Variants in MACROD2 observed in about 807,000 individuals in gnomAD.
MACROD2 encodes the protein mono-ADP ribosylhydrolase 2, also known as ADP-ribose glycohydrolase MACROD2.
MACROD2 carries 36 observed loss-of-function variants against 70.4 expected under a neutral mutation model. The ratio of observed to expected loss-of-function variants is 0.51; its 90% CI spans 0.39 to 0.68. The LOEUF is 0.68. MACROD2 is among the 30% of genes least tolerant of loss of function. MACROD2 has a pLI of 0.00. For missense variants in MACROD2, 496 were observed against 538.4 expected (o/e 0.92, Z 0.78); for synonymous variants, 172 against 178.8 (o/e 0.96, Z 0.30).
Position 14,002,369 on chromosome 20 carries a change from G to T in MACROD2, c.128G>T (p.Trp43Leu). The T allele has an allele frequency of 6.2e-7, 1 of 1,607,588 alleles. No homozygotes were observed. ...DYIPLNSILS[W>L]KEEMKGKGQN... ...ATTCCCCTGAACAGCATTCTATCAT[G>T]GAAGGAGGAGATGAAGGGCAAGGGC... Residue 43 changes from tryptophan (W) to leucine (L), a missense_variant, in exon 2 of 18, where the codon TGG becomes TTG. Coordinates refer to ENST00000684519, the MANE Select transcript of MACROD2 (RefSeq NM_001351661.2).
chr20:14,947,373 A>G (rs1475843899), intron 5 of MACROD2, among the ~76,000 whole-genome samples: 1 of 152,220 alleles, frequency 6.6e-6, no homozygotes, highest in Non-Finnish European at 1.5e-5. Flanking sequence ...GCCCTTGTGT[A>G]TGCTCTGCAA....
intron 9 of MACROD2, among the ~76,000 whole-genome samples, chr20:15,872,056 C>T (rs2064592973): frequency 1.3e-5 from 2 of 152,124 alleles, no homozygotes; most frequent in South Asian, 2.1e-4. Context: ...AAATCCTTTC[C>T]ACTCCGTAAT....
intron 8 of MACROD2, among the ~76,000 whole-genome samples, chr20:15,631,516 G>T (rs543201711): frequency 1.4e-3 from 217 of 152,278 alleles, no homozygotes; most frequent in African/African-American, 5.0e-3. Flanking sequence ...AAGTAAATGA[G>T]AACATTGTCC....
At chr20:14,897,008 C>T (rs6135296) in intron 5 of MACROD2, among the ~76,000 whole-genome samples, 29,091 of 151,894 alleles carry the variant, frequency 0.19, 2,994 homozygotes, top group African/African-American at 0.22. Context: ...ATTTTATGGC[C>T]CAAAATGGAC....
chr20:15,825,002 G>A (rs1248815518), intron 8 of MACROD2, among the ~76,000 whole-genome samples: 1 of 152,202 alleles, frequency 6.6e-6, no homozygotes, highest in Non-Finnish European at 1.5e-5. Flanking sequence ...TGAGTTGGAA[G>A]TGTGACTTGT....
intron 3 of MACROD2, among the ~76,000 whole-genome samples, chr20:14,454,584 T>C (rs1479042331): frequency 1.3e-5 from 2 of 151,926 alleles, no homozygotes; most frequent in Non-Finnish European, 2.9e-5. Context: ...TAAAACCGTT[T>C]TAGAACCAGG....
At position 15,679,302 on chromosome 20, in the gene MACROD2, G is replaced by A; in HGVS notation, c.645+179455G>A. Among the ~76,000 whole-genome samples the A allele has an allele frequency of 1.3e-5, 2 of 151,804 alleles. 1 individual carries two copies. The highest frequency in any genetic ancestry group is 2.9e-5 in the Non-Finnish European group (2 of 67,994). ...CGAACTGGCTTCCACATGCCACTGA[G>A]CAGGGAGCACACATGTGGCCAAGGG... On this transcript the variant is annotated intron_variant, in intron 8 of 17. Transcript: ENST00000684519.
intron 5 of MACROD2, among the ~76,000 whole-genome samples, chr20:14,977,297 A>AT (rs777982225): frequency 0.01 from 1,348 of 129,998 alleles, 8 homozygotes; most frequent in South Asian, 0.035. Context: ...TAACACCTTG[A>AT]TTTTTTTTTT....
At chr20:15,355,178 G>A (rs541371128) in intron 6 of MACROD2, among the ~76,000 whole-genome samples, 275 of 152,236 alleles carry the variant, frequency 1.8e-3, no homozygotes, top group African/African-American at 6.4e-3. Context: ...TCAGTCATCC[G>A]CAAGACTCTC....
At chr20:15,801,896 T>C (rs1315898152) in intron 8 of MACROD2, among the ~76,000 whole-genome samples, 1 of 152,162 alleles carries the variant, frequency 6.6e-6, no homozygotes, top group Non-Finnish European at 1.5e-5. Flanking sequence ...TTCTAGTTTT[T>C]ATTGCAGAAG....
chr20:15,585,474 G>A (rs1199703121), intron 8 of MACROD2, among the ~76,000 whole-genome samples: 1 of 152,138 alleles, frequency 6.6e-6, no homozygotes, highest in Non-Finnish European at 1.5e-5. Flanking sequence ...GGGATTAGAG[G>A]CGTGAGCCAC....
chr20:15,220,382 G>C (rs11697309), intron 5 of MACROD2, among the ~76,000 whole-genome samples: 1 of 152,204 alleles, frequency 6.6e-6, no homozygotes, highest in Non-Finnish European at 1.5e-5. Flanking sequence ...CACAGACATA[G>C]ATTTGTCATA....
intron 5 of MACROD2, among the ~76,000 whole-genome samples, chr20:14,730,102 T>A (rs982662831): frequency 6.6e-6 from 1 of 151,310 alleles, no homozygotes; most frequent in Non-Finnish European, 1.5e-5. Flanking sequence ...GTCAAAGAGG[T>A]AGAAAATATG....
chr20:15,554,213 G>A (rs1276953618), intron 8 of MACROD2, among the ~76,000 whole-genome samples: 2 of 152,154 alleles, frequency 1.3e-5, no homozygotes, highest in Non-Finnish European at 2.9e-5. Context: ...CCACAGTTCT[G>A]ATCAGCACAG....
chr20:15,340,769 A>T (rs1265983694), intron 6 of MACROD2, among the ~76,000 whole-genome samples: 2 of 143,302 alleles, frequency 1.4e-5, no homozygotes, highest in Admixed American at 7.0e-5. Flanking sequence ...CCCCGCAAAC[A>T]CACACTTTTT....
intron 3 of MACROD2, among the ~76,000 whole-genome samples, chr20:14,411,699 T>C (rs1458246141): frequency 6.6e-6 from 1 of 152,164 alleles, no homozygotes; most frequent in Non-Finnish European, 1.5e-5. Flanking sequence ...AGACCTGTTA[T>C]ATTTTCTCAT....
At chr20:15,209,053 T>C (rs1382294633) in intron 5 of MACROD2, among the ~76,000 whole-genome samples, 1 of 152,092 alleles carries the variant, frequency 6.6e-6, no homozygotes, top group African/African-American at 2.4e-5. Context: ...TAGGATAGTT[T>C]TTATCTTTCT....
intron 5 of MACROD2, among the ~76,000 whole-genome samples, chr20:15,048,389 G>A (rs1392238790): frequency 6.6e-6 from 1 of 151,914 alleles, no homozygotes; most frequent in Admixed American, 6.6e-5. Context: ...TACACTTGGT[G>A]TGATTCTGGT....
At chr20:14,643,283 A>G (rs1985194528) in intron 4 of MACROD2, among the ~76,000 whole-genome samples, 1 of 152,158 alleles carries the variant, frequency 6.6e-6, no homozygotes, top group East Asian at 1.9e-4. Context: ...TCTTAACATT[A>G]TTATTATGTC....
Sources: allele counts gnomAD v4.1 joint callset (sites outside exome capture counted in the v4.1 genomes callset), GRCh38; gene constraint gnomAD v4.1.1; transcripts MANE v1.5; gene names NCBI Gene and HGNC (gene_info 2026-07-23, HGNC 2026-07-21).